Variants in PTDSS2 observed in about 807,000 individuals in gnomAD.
PTDSS2 encodes the protein PSS-2.
In PTDSS2, 41 loss-of-function variants were observed where a neutral mutation model predicts 64.7. The ratio of observed to expected loss-of-function variants is 0.63; its 90% CI spans 0.49 to 0.82. The LOEUF is 0.82. Ranked by LOEUF, PTDSS2 falls within the 40% of genes least tolerant of loss-of-function variation. The pLI, the probability that PTDSS2 is intolerant of heterozygous loss-of-function variation, is 0.00. For missense variants in PTDSS2, 485 were observed against 650.0 expected, an observed-to-expected ratio of 0.75 and a Z score of 2.76; for synonymous variants, 297 against 277.8, an observed-to-expected ratio of 1.07 and a Z score of -0.69.
chr11:484,866 C>G (rs1398373417), intron 4 of PTDSS2, among the ~76,000 whole-genome samples: 5 of 132,560 alleles, frequency 3.8e-5, no homozygotes, highest in African/African-American at 1.5e-4. Context: ...CGTGTGCTCA[C>G]TGTGCGCAGG....
rs1382545946 is a variant in PTDSS2, at chr11:462,487, C to A, written c.284+2199C>A. On this transcript the variant is annotated intron_variant, in intron 2 of 11. Coordinates refer to ENST00000308020, the MANE Select transcript of PTDSS2 (RefSeq NM_030783.3). This position sits in a 1 kb window ranked among gnomAD's most constrained non-coding sequence, Gnocchi z 4.5. ...ACTCACATTCTCTTTCCCCCTCACC[C>A]TCTTTGAGGGCACAAAAGAAGCCAC... Among the ~76,000 whole-genome samples, 1 of 152,224 alleles carries A rather than the reference C, an allele frequency of 6.6e-6. No homozygotes were observed. Among genetic ancestry groups the A allele is most frequent in the Non-Finnish European group, 1.5e-5 (1 of 68,044 alleles).
chr11:479,055 G>A lies in PTDSS2; in HGVS notation c.368-30G>A, dbSNP rs764993509. 1.6e-5 allele frequency: 26 copies of A among 1,601,528 alleles called. No homozygotes were observed. The Admixed American group carries it at 1.7e-4, about 10-fold the overall frequency. On this transcript the variant is annotated intron_variant, in intron 3 of 11. Coordinates refer to ENST00000308020, the MANE Select transcript of PTDSS2 (RefSeq NM_030783.3). This position sits in a 1 kb window ranked among gnomAD's most constrained non-coding sequence, Gnocchi z 4.2. ...GGGGCCGTGGAGGCCTGGACCGGGC[G>A]CACTAACGTTCTGTCGTCTGTCTTT...
intron 1 of PTDSS2, among the ~76,000 whole-genome samples, chr11:456,314 C>G (rs1310023514): frequency 6.6e-6 from 1 of 150,806 alleles, no homozygotes; most frequent in Non-Finnish European, 1.5e-5. Flanking sequence ...GTAGCTGGGA[C>G]CAGACATGCG....
rs191353439 is a variant in PTDSS2, at chr11:469,522, G to A, written c.285-4373G>A. On this transcript the variant is annotated intron_variant, in intron 2 of 11. Coordinates refer to ENST00000308020, the MANE Select transcript of PTDSS2 (RefSeq NM_030783.3). ...GGGAGTCTCTGGGTAATCGGAGGGA[G>A]GAGGAGGGGAGTCTCCGGGTAATCA... Among the ~76,000 whole-genome samples, 592 of 151,908 alleles carry A rather than the reference G, an allele frequency of 3.9e-3. 4 individuals are homozygous for A. Among genetic ancestry groups the A allele is most frequent in the Non-Finnish European group, 3.8e-3 (257 of 67,880 alleles).
rs1409090445 is a variant in PTDSS2, at chr11:473,896, G to A, written c.286G>A (p.Gly96Ser). 3 of 1,612,400 alleles carry A rather than the reference G, an allele frequency of 1.9e-6. No homozygotes were observed. The highest frequency in any genetic ancestry group is 2.7e-5 in the African/African-American group (2 of 74,906). ...PQDTAYNTKR[G>S]IVASILVFLC... ...GGGCTGTTTGTTCTTTATTTGCAGA[G>A]GTATTGTGGCCAGTATTTTGGTTTT... The change falls in exon 3 of 12, where the codon GGT becomes AGT. Residue 96 changes from glycine (G) to serine (S), a missense_variant and splice_region_variant. Physicochemically the swap from Gly to Ser is moderately conservative, Grantham distance 56. Transcript: ENST00000308020.
chr11:488,370 C>T, intron 7 of PTDSS2, 58 bp downstream of exon 7: 2 of 1,467,962 alleles, frequency 1.4e-6, no homozygotes, highest in Non-Finnish European at 1.9e-6. Context: ...ATTCTCGGAA[C>T]CCCTGTGCCC....
In PTDSS2 at chr11:479,272, C is replaced by T; in HGVS notation, c.435+120C>T. On this transcript the variant is annotated intron_variant, in intron 4 of 11. Coordinates refer to ENST00000308020, the MANE Select transcript of PTDSS2 (RefSeq NM_030783.3). This position sits in a 1 kb window ranked among gnomAD's most constrained non-coding sequence, Gnocchi z 4.2. ...AGTGATGGGAGGAAGCAGGGCTAGACCCCCACAAAGTAGGCCGAGCTGCGG... is the reference window on the plus strand; with the variant it reads ...AGTGATGGGAGGAAGCAGGGCTAGATCCCCACAAAGTAGGCCGAGCTGCGG... 1.1e-6 allele frequency: 1 copy of T among 902,464 alleles called. No individual in the cohort carries two copies. The highest frequency in any genetic ancestry group is 1.9e-6 in the Non-Finnish European group (1 of 536,118). The allele number at this position is 902,464 out of a possible 1,614,324, so 55.9% of individuals were successfully genotyped here.
At chr11:482,464 C>T (rs867588368) in intron 4 of PTDSS2, among the ~76,000 whole-genome samples, 11 of 152,084 alleles carry the variant, frequency 7.2e-5, no homozygotes, top group Admixed American at 2.0e-4. Context: ...CTCAAGTGAG[C>T]CACCGCACCT....
chr11:487,136 G>T (rs61876333), intron 5 of PTDSS2, 63 bp downstream of exon 5: 6 of 1,470,408 alleles, frequency 4.1e-6, no homozygotes, highest in Admixed American at 1.8e-5. Context: ...CGGACCAGGC[G>T]CCATCCACGC....
At chr11:483,581 G>A (rs903723212) in intron 4 of PTDSS2, among the ~76,000 whole-genome samples, 1 of 152,210 alleles carries the variant, frequency 6.6e-6, no homozygotes, top group Admixed American at 6.5e-5. Flanking sequence ...TCATATGGGT[G>A]TTTTTCCCCC....
At chr11:480,563 A>G (rs955571545) in intron 4 of PTDSS2, 2 of 156,912 alleles carry the variant, frequency 1.3e-5, no homozygotes, top group African/African-American at 4.8e-5. Context: ...TCTTTCTTTT[A>G]CTATTTATTT....
intron 1 of PTDSS2, chr11:459,234 C>A (rs111274190): frequency 1.6e-3 from 3 of 1,860 alleles, no homozygotes; most frequent in African/African-American, 7.6e-3. Flanking sequence ...CGGTGGATGT[C>A]GGACCTGGGT....
Position 490,744 on chromosome 11 carries a change from C to T in PTDSS2, c.*162C>T, listed in dbSNP as rs2133848899. 1 of 672,130 alleles carries T rather than the reference C, an allele frequency of 1.5e-6. No homozygotes were observed. The highest frequency in any genetic ancestry group is 2.9e-5 in the Admixed American group (1 of 33,932). The allele number at this position is 672,130 out of a possible 1,614,324, so 41.6% of individuals were successfully genotyped here. A position where few individuals can be genotyped will look rare whatever the true frequency, so the allele number is the denominator to read the frequency against. Reference sequence around the variant, plus strand: ...TGAAGGCGAGGGGTGGAGGAGGCCCCAGCACAGCCTCATCTCCATGTGTAC... The same window carrying T: ...TGAAGGCGAGGGGTGGAGGAGGCCCTAGCACAGCCTCATCTCCATGTGTAC... On this transcript the variant is annotated 3_prime_UTR_variant, in exon 12 of 12. Transcript: ENST00000308020.
At chr11:451,421 T>A (rs1416750695) in intron 1 of PTDSS2, 1 of 447,196 alleles carries the variant, frequency 2.2e-6, no homozygotes, top group Non-Finnish European at 4.5e-6. Context: ...GATGCTCCTC[T>A]GTGAGAAGGA....
intron 2 of PTDSS2, among the ~76,000 whole-genome samples, chr11:465,896 A>G (rs1276091056): frequency 1.3e-5 from 2 of 152,142 alleles, no homozygotes; most frequent in Non-Finnish European, 2.9e-5. Flanking sequence ...GAGCTATGGT[A>G]GCACCACTGC....
rs1236440170 is a variant in PTDSS2 at position 470,587 on chromosome 11, GTTTAT to G, written c.285-3294_285-3290del. Among the ~76,000 whole-genome samples the G allele has an allele frequency of 3.3e-5, 5 of 152,174 alleles. No homozygotes were observed. Among genetic ancestry groups the G allele is most frequent in the South Asian group, 2.1e-4 (1 of 4,820 alleles). On this transcript the variant is annotated intron_variant, in intron 2 of 11. Coordinates refer to ENST00000308020, the MANE Select transcript of PTDSS2 (RefSeq NM_030783.3). The surrounding 1 kb of genome is among the most constrained non-coding windows in gnomAD (Gnocchi z 5.3). ...GGCTTATTTATTTTTTATTTTTTAT[GTTTAT>G]TTTATTTTATTTTTTGAGACAGAGT...
intron 1 of PTDSS2, among the ~76,000 whole-genome samples, chr11:456,396 C>G (rs949730124): frequency 2.7e-5 from 4 of 150,832 alleles, no homozygotes; most frequent in Admixed American, 2.6e-4. Context: ...GAGCTGGTCT[C>G]CAACTCCTGG....
chr11:489,433 G>T lies in PTDSS2; in HGVS notation c.888G>T (p.Thr296=). The change falls in exon 9 of 12, where the codon ACG becomes ACT. Residue 296 remains threonine (T), a synonymous_variant. Coordinates refer to ENST00000308020, the MANE Select transcript of PTDSS2 (RefSeq NM_030783.3). ...GKMKRIAFQF[T]PYSWVRFEWK... The stretch of plus-strand genomic sequence containing the variant: ...TGAAGAGGATCGCCTTCCAGTTCAC[G>T]CCGTACAGCTGGGTTCGCTTCGAGT... 2 of 1,613,456 alleles carry T rather than the reference G, an allele frequency of 1.2e-6. No homozygotes were observed. Among genetic ancestry groups the T allele is most frequent in the African/African-American group, 1.3e-5 (1 of 75,042 alleles).
At chr11:487,322 G>A (rs1343636717) in intron 5 of PTDSS2, 98 bp from the exon 6 acceptor site, 5 of 1,187,896 alleles carry the variant, frequency 4.2e-6, no homozygotes, top group Non-Finnish European at 6.3e-6. Context: ...TTCTTCCCGG[G>A]GTCTGGCAGG....
Sources: gnomAD v4.1 joint callset for allele counts (sites outside exome capture counted in the v4.1 genomes callset) on GRCh38, gnomAD v4.1.1 for gene constraint, Gnocchi (gnomAD v3.1) non-coding constraint, MANE v1.5 for transcripts, NCBI Gene and HGNC (gene_info 2026-07-23, HGNC 2026-07-21) for gene names.